The following CASP6 variants were observed in gnomAD, a reference collection of about 807,000 sequenced individuals.
The protein encoded by CASP6 is caspase-6.
Under a neutral mutation model 31.8 loss-of-function variants are expected in CASP6, and 20 were observed. The observed-to-expected ratio is 0.63, with a 90% confidence interval of 0.44 to 0.91. The LOEUF is 0.91. Among genes scored for constraint, CASP6 ranks in the 40% least tolerant of loss-of-function variants. The probability of loss-of-function intolerance (pLI) is 0.00; values close to 1 mark genes in which losing one functional copy is unlikely to be tolerated. For missense variants in CASP6, 328 were observed against 361.1 expected (o/e 0.91, Z 0.74); for synonymous variants, 130 against 127.8 (o/e 1.02, Z -0.12).
chr4:109,707,094 G>A (rs1005086798), upstream of CASP6, among the ~76,000 whole-genome samples: 1 of 152,082 alleles, frequency 6.6e-6, no homozygotes, highest in Non-Finnish European at 1.5e-5. Flanking sequence ...TAAAATTAAG[G>A]TATATACATT....
At chr4:109,670,533 T>C in the CASP6 span, among the ~76,000 whole-genome samples, 273 of 152,110 alleles carry the variant, frequency 1.8e-3, 1 homozygote, top group Non-Finnish European at 2.6e-3. Context: ...CCTGCCAACA[T>C]GGTGAAACCC....
the CASP6 span, among the ~76,000 whole-genome samples, chr4:109,664,559 G>A: frequency 6.6e-6 from 1 of 151,774 alleles, no homozygotes; most frequent in Admixed American, 6.6e-5. Flanking sequence ...AGAGTAGCTG[G>A]GACTACCTGC....
intron 5 of CASP6, among the ~76,000 whole-genome samples, chr4:109,691,526 G>T (rs1730056618): frequency 6.6e-6 from 1 of 152,028 alleles, no homozygotes; most frequent in African/African-American, 2.4e-5. Flanking sequence ...AAAAAGTGAG[G>T]TCTCAAATTT....
chr4:109,706,019 TATATATATATATAA>T (rs1299428779), upstream of CASP6, among the ~76,000 whole-genome samples: 13 of 99,490 alleles, frequency 1.3e-4, 1 homozygote, highest in African/African-American at 5.7e-4. Flanking sequence ...TATATATATA[TATATATATATATAA>T]TATATATAAA....
upstream of CASP6, among the ~76,000 whole-genome samples, chr4:109,706,170 T>TATATATATATATACAC (rs1452145399): frequency 1.1e-5 from 1 of 89,082 alleles, no homozygotes; most frequent in Non-Finnish European, 2.0e-5. Context: ...TATATATATA[T>TATATATATATATACAC]ACACACACAC....
the CASP6 span, among the ~76,000 whole-genome samples, chr4:109,682,383 T>C: frequency 3.3e-5 from 5 of 152,076 alleles, no homozygotes; most frequent in Admixed American, 6.5e-5. Context: ...TGTTGTTTAC[T>C]GTGACTCTCT....
At chr4:109,700,059 T>A (rs747302958) in intron 1 of CASP6, among the ~76,000 whole-genome samples, 2 of 152,210 alleles carry the variant, frequency 1.3e-5, no homozygotes, top group Non-Finnish European at 2.9e-5. Flanking sequence ...TTCTGCTCCA[T>A]ACTGACTGCT....
chr4:109,697,624 G>A lies in CASP6; in HGVS notation c.228C>T (p.Arg76=), dbSNP rs1730286017. 5.0e-6 allele frequency: 8 copies of A among 1,601,782 alleles called. No homozygotes were observed. Among genetic ancestry groups the A allele is most frequent in the Non-Finnish European group, 6.8e-6 (8 of 1,176,038 alleles). Residue 76 remains arginine, a splice_region_variant and synonymous_variant, in exon 3 of 7, where the codon CGC becomes CGT. Coordinates refer to ENST00000265164, the MANE Select transcript of CASP6 (RefSeq NM_001226.4). The part of the protein sequence containing the change: ...GTCADRDNLT[R]RFSDLGFEVK... ...TGATAGGTAGATAAAACTACTACCT[G>A]CGGGTAAGATTGTCTCTATCTGCGC...
chr4:109,696,110 C>T (rs934680317), intron 4 of CASP6, among the ~76,000 whole-genome samples: 1 of 152,130 alleles, frequency 6.6e-6, no homozygotes, highest in African/African-American at 2.4e-5. Context: ...GACTGCCCAG[C>T]ACCTGTAGTA....
chr4:109,668,239 C>A, the CASP6 span, among the ~76,000 whole-genome samples: 1 of 152,086 alleles, frequency 6.6e-6, no homozygotes, highest in African/African-American at 2.4e-5. Context: ...ATGTTGAAGT[C>A]TGTAACTGTA....
upstream of CASP6, among the ~76,000 whole-genome samples, chr4:109,707,301 G>T (rs539880628): frequency 2.0e-3 from 309 of 151,936 alleles, 1 homozygote; most frequent in Non-Finnish European, 3.4e-3. Flanking sequence ...CCCAGTGCAA[G>T]TTACTTTGTA....
chr4:109,701,210 C>T (rs1198678693), intron 1 of CASP6, among the ~76,000 whole-genome samples: 2 of 152,150 alleles, frequency 1.3e-5, no homozygotes, highest in East Asian at 3.9e-4. Flanking sequence ...GATCCACCTG[C>T]CTCAGCCTCC....
At chr4:109,693,147 C>A (rs1730128132) in intron 5 of CASP6, among the ~76,000 whole-genome samples, 1 of 152,150 alleles carries the variant, frequency 6.6e-6, no homozygotes, top group African/African-American at 2.4e-5. Flanking sequence ...CATATGCTGG[C>A]TCTCTGTCAC....
At chr4:109,674,448 C>T in the CASP6 span, among the ~76,000 whole-genome samples, 1 of 152,200 alleles carries the variant, frequency 6.6e-6, no homozygotes, top group South Asian at 2.1e-4. Flanking sequence ...CCTGAAGGTA[C>T]TCCCAGTTTG....
In CASP6 at chr4:109,691,398, A is replaced by G. The variant is rs5030588; in HGVS notation, c.484-389T>C. 5.2e-4 allele frequency among the ~76,000 whole-genome samples: 79 copies of G among 152,262 alleles called. 1 individual carries two copies. The South Asian group carries it at 0.016, about 31-fold the overall frequency. On this transcript the variant is annotated intron_variant, in intron 5 of 6. Transcript: ENST00000265164. ...GTGTTTCTGTTTAGGCAGGCAGTGT[A>G]TTTCCAGATTGACTTTTGCTTGCCT...
At chr4:109,670,729 A>G in the CASP6 span, among the ~76,000 whole-genome samples, 3 of 151,954 alleles carry the variant, frequency 2.0e-5, no homozygotes, top group Admixed American at 1.3e-4. Flanking sequence ...CAAAAAAAAA[A>G]AAGAAAAAGA....
rs753243548 is a variant in CASP6 at position 109,690,988 on chromosome 4, C to G, written c.505G>C (p.Asp169His). ...ACATCCAAAGGAATGACTGGCACAT[C>G]GTGCTGGTTTCCCCGACATGCCTAC... is the stretch of plus-strand genomic sequence containing the variant. ...IIQACRGNQH[D>H]VPVIPLDVVD... The change falls in exon 6 of 7, where the codon GAT becomes CAT. Residue 169 changes from aspartate to histidine, a missense_variant. Physicochemically the swap from Asp to His is moderately conservative, Grantham distance 81 (BLOSUM62 -1). Transcript: ENST00000265164. The G allele has an allele frequency of 1.9e-6, 3 of 1,611,374 alleles. No homozygotes were observed. The highest frequency in any genetic ancestry group is 2.5e-6 in the Non-Finnish European group (3 of 1,179,004).
At chr4:109,682,503 A>C in the CASP6 span, 4 of 1,136,738 alleles carry the variant, frequency 3.5e-6, no homozygotes, top group Non-Finnish European at 5.1e-6. Context: ...ATTTGGAAAG[A>C]GAATTGGGGA....
At chr4:109,695,632 C>T (rs764029804) in intron 4 of CASP6, among the ~76,000 whole-genome samples, 1 of 151,388 alleles carries the variant, frequency 6.6e-6, no homozygotes, top group Non-Finnish European at 1.5e-5. Flanking sequence ...GGCGAGCTAC[C>T]TGGGAAGCTG....
Sources: allele counts gnomAD v4.1 joint callset (sites outside exome capture counted in the v4.1 genomes callset), GRCh38; gene constraint gnomAD v4.1.1; transcripts MANE v1.5; gene names NCBI Gene and HGNC (gene_info 2026-07-23, HGNC 2026-07-21).